Variants in SHOC2 observed in about 807,000 individuals in gnomAD.
SHOC2 encodes SHOC2 leucine rich repeat scaffold protein, also known as leucine-rich repeat protein SHOC-2.
A neutral mutation model predicts 50.2 loss-of-function variants in SHOC2; 4 were observed. The observed-to-expected ratio is 0.08, with a 90% CI of 0.04 to 0.18. The LOEUF is 0.18. SHOC2 is among the 10% of genes least tolerant of loss of function. The probability of loss-of-function intolerance (pLI) is 1.00; values close to 1 mark genes in which losing one functional copy is unlikely to be tolerated. For synonymous variants in SHOC2, 218 were observed against 244.5 expected (o/e 0.89, Z 1.01); for missense variants, 388 against 669.6 (o/e 0.58, Z 4.64).
chr10:110,986,223 G>A (rs1848073540), intron 3 of SHOC2, among the ~76,000 whole-genome samples: 1 of 152,106 alleles, frequency 6.6e-6, no homozygotes, highest in Admixed American at 6.5e-5. Context: ...GAGATGACTT[G>A]AAGTTCAAAA....
At chr10:110,920,390 CAA>C (rs1292603511) in intron 1 of SHOC2, among the ~76,000 whole-genome samples, 1 of 152,190 alleles carries the variant, frequency 6.6e-6, no homozygotes. Flanking sequence ...GCTCATAACA[CAA>C]GAGGCTTTGG....
At position 110,947,790 on chromosome 10, in the gene SHOC2, G is replaced by A. The variant is rs562559314; in HGVS notation, c.-234-16335G>A. On this transcript the variant is annotated intron_variant, in intron 1 of 8. Coordinates refer to ENST00000369452, the MANE Select transcript of SHOC2 (RefSeq NM_007373.4). ...CCAAAAAAAAAAAAAAAATCAAATCGCAAAGGAAAACATTAAGAGAAGATG... is the reference window on the plus strand; with the variant it reads ...CCAAAAAAAAAAAAAAAATCAAATCACAAAGGAAAACATTAAGAGAAGATG... Among the ~76,000 whole-genome samples, 6 of 147,966 alleles carry A rather than the reference G, an allele frequency of 4.1e-5. No individual in the cohort carries two copies. The South Asian group carries it at 1.1e-3, about 26-fold the overall frequency.
chr10:111,007,729 A>T lies in SHOC2; in HGVS notation c.1284+76A>T, dbSNP rs1213407937. 3 of 1,425,124 alleles carry T rather than the reference A, an allele frequency of 2.1e-6. No homozygotes were observed. In the African/African-American group the frequency reaches 4.2e-5, roughly 20 times the overall value. The allele number at this position is 1,425,124 out of a possible 1,614,324, so 88.3% of individuals were successfully genotyped here. ...CATTTAAAAATTTCAAATTTAAATA[A>T]GCAATTTCTATTTGGGTGAATGTCA... is the stretch of plus-strand genomic sequence containing the variant. On this transcript the variant is annotated intron_variant, in intron 6 of 8. Coordinates refer to ENST00000369452, the MANE Select transcript of SHOC2 (RefSeq NM_007373.4).
chr10:110,981,470 G>T (rs1170372260), intron 2 of SHOC2, among the ~76,000 whole-genome samples: 1 of 152,210 alleles, frequency 6.6e-6, no homozygotes. Context: ...TCAAAAGGAT[G>T]TAAGAAAAGT....
At chr10:110,924,110 A>G (rs73343848) in intron 1 of SHOC2, among the ~76,000 whole-genome samples, 15,182 of 152,016 alleles carry the variant, frequency 0.1, 1,173 homozygotes, top group East Asian at 0.24. Context: ...TAACTTTTCA[A>G]TTTTGTTCTA....
chr10:110,995,052 GAAAA>G (rs150401987), intron 3 of SHOC2, among the ~76,000 whole-genome samples: 1,816 of 152,320 alleles, frequency 0.012, 41 homozygotes, highest in African/African-American at 0.042. Flanking sequence ...ATGGGTTGAA[GAAAA>G]TAGATTTTTA....
chr10:110,971,988 A>ACTT (rs1012116146), intron 2 of SHOC2, among the ~76,000 whole-genome samples: 1 of 151,852 alleles, frequency 6.6e-6, no homozygotes, highest in Non-Finnish European at 1.5e-5. Flanking sequence ...TGACCTTAAG[A>ACTT]GATTTAATTT....
Position 110,996,756 on chromosome 10 carries a change from A to G in SHOC2, c.842-3659A>G, listed in dbSNP as rs1017366780. 3.3e-5 allele frequency among the ~76,000 whole-genome samples: 5 copies of G among 152,334 alleles called. 1 individual carries two copies. Among genetic ancestry groups the G allele is most frequent in the Middle Eastern group, 3.4e-3 (1 of 294 alleles). On this transcript the variant is annotated intron_variant, in intron 3 of 8. Transcript: ENST00000369452. ...CTCAATTTTTGCTTTATTATAATAA[A>G]CTTTCAGTAAACATCAAATACATAT...
intron 1 of SHOC2, among the ~76,000 whole-genome samples, chr10:110,941,659 G>A (rs532701760): frequency 6.6e-6 from 1 of 152,216 alleles, no homozygotes; most frequent in African/African-American, 2.4e-5. Flanking sequence ...ATGTTTAAAT[G>A]TAAGACTTTT....
intron 1 of SHOC2, among the ~76,000 whole-genome samples, chr10:110,959,973 A>C (rs535491194): frequency 3.2e-4 from 49 of 152,330 alleles, no homozygotes; most frequent in Middle Eastern, 6.8e-3. Flanking sequence ...GGAACATTAG[A>C]GTTGAAAGAA....
intron 4 of SHOC2, among the ~76,000 whole-genome samples, chr10:111,003,416 C>T (rs1848414735): frequency 1.3e-5 from 2 of 152,116 alleles, no homozygotes; most frequent in African/African-American, 4.8e-5. Context: ...CCTATTTTTC[C>T]AGTTATTCCA....
intron 1 of SHOC2, chr10:110,937,132 C>G (rs1391881211): frequency 1.3e-6 from 2 of 1,483,258 alleles, no homozygotes; most frequent in Non-Finnish European, 1.9e-6. Context: ...AGCGTACGAC[C>G]ACCACCTTCC....
intron 3 of SHOC2, among the ~76,000 whole-genome samples, chr10:110,992,789 A>G (rs557419281): frequency 6.6e-6 from 1 of 152,318 alleles, no homozygotes; most frequent in South Asian, 2.1e-4. Context: ...GGTTTTTAAC[A>G]TTCAGGAATT....
intron 3 of SHOC2, among the ~76,000 whole-genome samples, chr10:110,993,645 G>T (rs1028697227): frequency 1.1e-4 from 16 of 152,122 alleles, no homozygotes; most frequent in Non-Finnish European, 2.1e-4. Flanking sequence ...ACTAGATAAT[G>T]TCATGTAGCA....
intron 2 of SHOC2, among the ~76,000 whole-genome samples, chr10:110,982,352 G>T (rs1847997399): frequency 6.6e-6 from 1 of 151,528 alleles, no homozygotes; most frequent in Admixed American, 6.6e-5. Flanking sequence ...ATGATTTATA[G>T]TCCTTTGGGT....
At chr10:110,988,787 A>G (rs1848127836) in intron 3 of SHOC2, 1 of 324,580 alleles carries the variant, frequency 3.1e-6, no homozygotes, top group South Asian at 2.4e-5. Context: ...CCTTTCTATT[A>G]TTCTCATAAA....
chr10:110,998,023 A>G (rs1848299729), intron 3 of SHOC2, among the ~76,000 whole-genome samples: 4 of 150,972 alleles, frequency 2.6e-5, no homozygotes, highest in Non-Finnish European at 4.4e-5. Context: ...TAATGAGACA[A>G]AGCCTTGCTG....
Position 111,007,576 on chromosome 10 carries a change from A to T in SHOC2, c.1207A>T (p.Ser403Cys). Reference protein sequence around the residue: ...SLPLDFGTWTSMVELNLATNQ... With the variant: ...SLPLDFGTWTCMVELNLATNQ... ...TCCCTTGGATTTTGGAACTTGGACC[A>T]GTATGGTAGAATTGAATTTAGCCAC... Residue 403 changes from serine to cysteine, a missense_variant, in exon 6 of 9, where the codon AGT becomes TGT. Ser to Cys is a moderately radical substitution (Grantham distance 112). Around this residue, in one of 5 missense-constraint regions of SHOC2, gnomAD observed 130 missense variants for 208.6 expected, o/e 0.62. Coordinates refer to ENST00000369452, the MANE Select transcript of SHOC2 (RefSeq NM_007373.4). 6.2e-7 allele frequency: 1 copy of T among 1,613,704 alleles called. No individual in the cohort carries two copies. Among genetic ancestry groups the T allele is most frequent in the Non-Finnish European group, 8.5e-7 (1 of 1,179,708 alleles).
intron 4 of SHOC2, among the ~76,000 whole-genome samples, chr10:111,001,157 CTTT>C (rs11379743): frequency 4.6e-5 from 6 of 129,272 alleles, no homozygotes; most frequent in Non-Finnish European, 4.8e-5. Flanking sequence ...AGATATAATA[CTTT>C]TTTTTTTTTT....
Sources: gnomAD v4.1 joint callset for allele counts (sites outside exome capture counted in the v4.1 genomes callset) on GRCh38, gnomAD v4.1.1 for gene constraint, gnomAD v4.1.1 regional missense constraint, MANE v1.5 for transcripts, NCBI Gene and HGNC (gene_info 2026-07-23, HGNC 2026-07-21) for gene names.